Variants in SGCD observed in about 807,000 individuals in gnomAD.
SGCD encodes delta-sarcoglycan.
A neutral mutation model predicts 36.6 loss-of-function variants in SGCD; 18 were observed. The ratio of observed to expected loss-of-function variants is 0.49; its 90% CI spans 0.34 to 0.73. The LOEUF (loss-of-function observed/expected upper bound fraction) is 0.73. SGCD is among the 30% of genes least tolerant of loss of function. The probability of loss-of-function intolerance (pLI) is 0.01; values close to 1 mark genes in which losing one functional copy is unlikely to be tolerated. For synonymous variants in SGCD, 133 were observed against 130.6 expected (o/e 1.02, Z -0.12); for missense variants, 387 against 346.7 (o/e 1.12, Z -0.92).
At chr5:156,203,116 C>CTATA (rs1373770941) in intron 3 of SGCD, among the ~76,000 whole-genome samples, 1 of 152,036 alleles carries the variant, frequency 6.6e-6, no homozygotes, top group Non-Finnish European at 1.5e-5. Flanking sequence ...TTTATAGAAG[C>CTATA]CATGTGGGGA....
rs1757453793 is a variant in SGCD at position 156,759,319 on chromosome 5, A to G, written c.802A>G (p.Asn268Asp). ...GGTCTTCGAGATCTGCGTCTGCGCCAATGGGAGATTATTCCTGTCTCAGGC... is the reference window on the plus strand; with the variant it reads ...GGTCTTCGAGATCTGCGTCTGCGCCGATGGGAGATTATTCCTGTCTCAGGC... ...QKVFEICVCA[N>D]GRLFLSQAGA... The change falls in exon 9 of 9, where the codon AAT (asparagine) becomes GAT (aspartate). Residue 268 changes from asparagine to aspartate, a missense_variant. Coordinates refer to ENST00000337851, the MANE Select transcript of SGCD (RefSeq NM_000337.6). 2 of 1,613,536 alleles carry G rather than the reference A, an allele frequency of 1.2e-6. No homozygotes were observed. Among genetic ancestry groups the G allele is most frequent in the Non-Finnish European group, 1.7e-6 (2 of 1,179,554 alleles).
At chr5:155,757,189 A>G in the SGCD span, among the ~76,000 whole-genome samples, 5 of 152,194 alleles carry the variant, frequency 3.3e-5, no homozygotes, top group Non-Finnish European at 5.9e-5. Flanking sequence ...GTTGCAAGAG[A>G]TAGAGTTTAT....
At chr5:156,611,099 T>G (rs1239620236) in intron 6 of SGCD, among the ~76,000 whole-genome samples, 1 of 152,202 alleles carries the variant, frequency 6.6e-6, no homozygotes, top group African/African-American at 2.4e-5. Context: ...GTACCTCAGT[T>G]GGAAATGCAG....
chr5:156,304,634 T>A (rs1767153476), intron 3 of SGCD, among the ~76,000 whole-genome samples: 1 of 152,162 alleles, frequency 6.6e-6, no homozygotes, highest in African/African-American at 2.4e-5. Flanking sequence ...GCTGAAAAGA[T>A]ACCCAAAAAT....
the SGCD span, among the ~76,000 whole-genome samples, chr5:155,820,382 G>A: frequency 9.2e-5 from 14 of 152,186 alleles, no homozygotes; most frequent in East Asian, 2.3e-3. Flanking sequence ...TGTACTGTCC[G>A]GGTGCAGTGA....
At chr5:155,777,087 G>C in the SGCD span, among the ~76,000 whole-genome samples, 9 of 152,256 alleles carry the variant, frequency 5.9e-5, 1 homozygote, top group East Asian at 7.7e-4. Flanking sequence ...CTGCTTGTGA[G>C]TTGTTGGGAA....
At chr5:156,718,497 A>G (rs1393240433) in intron 7 of SGCD, among the ~76,000 whole-genome samples, 1 of 152,076 alleles carries the variant, frequency 6.6e-6, no homozygotes, top group Non-Finnish European at 1.5e-5. Flanking sequence ...TAGGGATAAT[A>G]GGCCAGGCTC....
At chr5:156,405,582 C>A (rs762708334) in intron 3 of SGCD, among the ~76,000 whole-genome samples, 5 of 152,148 alleles carry the variant, frequency 3.3e-5, no homozygotes, top group Non-Finnish European at 7.3e-5. Flanking sequence ...TATCCCATTT[C>A]CCCATCTGTC....
intron 3 of SGCD, among the ~76,000 whole-genome samples, chr5:156,454,559 T>C (rs1193366544): frequency 6.6e-6 from 1 of 152,124 alleles, no homozygotes; most frequent in Non-Finnish European, 1.5e-5. Context: ...TCTTCAGTCA[T>C]TGGCCAAGCA....
At chr5:156,755,571 C>T (rs919497503) in intron 7 of SGCD, among the ~76,000 whole-genome samples, 6 of 152,152 alleles carry the variant, frequency 3.9e-5, no homozygotes, top group Admixed American at 6.5e-5. Flanking sequence ...TTTCTGTTGT[C>T]CTGCTACTGA....
At chr5:156,314,163 A>G (rs368022859) in intron 3 of SGCD, among the ~76,000 whole-genome samples, 1 of 152,008 alleles carries the variant, frequency 6.6e-6, no homozygotes, top group Non-Finnish European at 1.5e-5. Context: ...CAAAAGGCCA[A>G]ATCTATAGGA....
intron 1 of SGCD, among the ~76,000 whole-genome samples, 169 bp downstream of exon 1, chr5:156,327,401 G>A (rs1294499500): frequency 6.6e-6 from 1 of 152,202 alleles, no homozygotes. Flanking sequence ...TCCAATCTGT[G>A]CTTTTCCCCC....
the SGCD span, among the ~76,000 whole-genome samples, chr5:155,807,153 A>C: frequency 6.6e-6 from 1 of 152,224 alleles, no homozygotes; most frequent in African/African-American, 2.4e-5. Flanking sequence ...GGTTGACTAA[A>C]ATGGAGAGCA....
At chr5:155,995,985 C>T (rs1758532421) in intron 1 of SGCD, among the ~76,000 whole-genome samples, 2 of 85,030 alleles carry the variant, frequency 2.4e-5, no homozygotes, top group Admixed American at 1.3e-4. Flanking sequence ...TCAGACCACA[C>T]CAAAAAAAAA....
chr5:156,393,711 T>C (rs1235843320), intron 3 of SGCD: 1 of 456,168 alleles, frequency 2.2e-6, no homozygotes. Context: ...TGGTACATAG[T>C]TACTAACAAA....
the SGCD span, among the ~76,000 whole-genome samples, chr5:155,737,102 C>G: frequency 3.3e-5 from 5 of 152,214 alleles, no homozygotes; most frequent in Admixed American, 2.0e-4. Flanking sequence ...GGCTTTGAAT[C>G]CAGACTTCCT....
chr5:156,611,934 A>T (rs950051042), intron 6 of SGCD, among the ~76,000 whole-genome samples: 3 of 152,206 alleles, frequency 2.0e-5, no homozygotes, highest in African/African-American at 4.8e-5. Flanking sequence ...TGGGGTTTTT[A>T]TAATTATCTC....
intron 1 of SGCD, among the ~76,000 whole-genome samples, chr5:156,045,683 C>T (rs1383246768): frequency 2.6e-5 from 4 of 152,162 alleles, no homozygotes; most frequent in Non-Finnish European, 4.4e-5. Flanking sequence ...TAGATAGCTG[C>T]CCTCTCACTA....
intron 5 of SGCD, among the ~76,000 whole-genome samples, chr5:156,589,603 T>TCATCAGGTGCTCAC (rs1328993624): frequency 6.6e-6 from 1 of 152,152 alleles, no homozygotes; most frequent in East Asian, 1.9e-4. Flanking sequence ...ACCAGCTGCT[T>TCATCAGGTGCTCAC]CATCAGGTGC....
Sources: gnomAD v4.1 joint callset for allele counts (sites outside exome capture counted in the v4.1 genomes callset) on GRCh38, gnomAD v4.1.1 for gene constraint, MANE v1.5 for transcripts, NCBI Gene and HGNC (gene_info 2026-07-23, HGNC 2026-07-21) for gene names.